The following LSM4 variants were observed in gnomAD, a reference collection of about 807,000 sequenced individuals.
LSM4 encodes the protein U6 snRNA-associated Sm-like protein LSm4.
LSM4 carries 15 observed loss-of-function variants against 22.3 expected under a neutral mutation model. That is an observed-to-expected ratio of 0.67 (90% confidence interval 0.45 to 1.03). The LOEUF (loss-of-function observed/expected upper bound fraction) is 1.03. Among genes scored for constraint, LSM4 ranks in the 50% least tolerant of loss-of-function variants. The probability of loss-of-function intolerance (pLI) is 0.00; values close to 1 mark genes in which losing one functional copy is unlikely to be tolerated. For missense variants in LSM4, 127 were observed against 198.0 expected (o/e 0.64, Z 2.15); for synonymous variants, 90 against 79.8 (o/e 1.13, Z -0.68).
intron 3 of LSM4, 117 bp from the exon 4 acceptor site, chr19:18,309,978 T>C: frequency 2.1e-6 from 2 of 954,022 alleles, no homozygotes; most frequent in Non-Finnish European, 3.2e-6. Flanking sequence ...CCCTGCAAGC[T>C]GCACAGTATC....
At chr19:18,313,746 G>A (rs1204363643) in intron 2 of LSM4, among the ~76,000 whole-genome samples, 1 of 152,160 alleles carries the variant, frequency 6.6e-6, no homozygotes, top group Non-Finnish European at 1.5e-5. Context: ...AAACTCCTGG[G>A]CTCAAGTGAT....
intron 3 of LSM4, among the ~76,000 whole-genome samples, chr19:18,311,192 G>C (rs1295735845): frequency 6.6e-6 from 1 of 152,116 alleles, no homozygotes; most frequent in Non-Finnish European, 1.5e-5. Flanking sequence ...AGGCTTCCTC[G>C]TGCAGGAACC....
chr19:18,322,982 C>A (rs1011816229), intron 1 of LSM4, 36 bp downstream of exon 1: 5 of 1,591,426 alleles, frequency 3.1e-6, no homozygotes, highest in Non-Finnish European at 4.3e-6. Flanking sequence ...GCTGTTCCCG[C>A]CTCCCGGTGA....
chr19:18,312,538 G>C, intron 3 of LSM4, 66 bp downstream of exon 3: 2 of 1,305,190 alleles, frequency 1.5e-6, no homozygotes, highest in East Asian at 2.3e-5. Flanking sequence ...GAGGCCCAGG[G>C]AGGGAGGGAG....
At chr19:18,310,847 C>T (rs548009760) in intron 3 of LSM4, among the ~76,000 whole-genome samples, 20 of 152,328 alleles carry the variant, frequency 1.3e-4, no homozygotes, top group South Asian at 2.1e-4. Flanking sequence ...CCCAGCCCGA[C>T]GACACTCCCT....
chr19:18,309,432 C>A (rs1970271615), intron 4 of LSM4: 2 of 534,042 alleles, frequency 3.7e-6, no homozygotes, highest in Non-Finnish European at 6.5e-6. Flanking sequence ...AGAGGGGAAA[C>A]TGAGGCTTGG....
rs779855209 is a variant in LSM4 at position 18,307,415 on chromosome 19, A to G, written c.*49T>C. The G allele has an allele frequency of 4.9e-6, 7 of 1,432,862 alleles. No individual in the cohort carries two copies. The highest frequency in any genetic ancestry group is 6.5e-6 in the Non-Finnish European group (7 of 1,080,496). The allele number at this position is 1,432,862 out of a possible 1,614,324, so 88.8% of individuals were successfully genotyped here. A position where few individuals can be genotyped will look rare whatever the true frequency, so the allele number is the denominator to read the frequency against. ...AGATCCGTCCGAGACTGTGGAGCGG[A>G]ATCGCCACCCTGGCAGGAGGGGGCG... On this transcript the variant is annotated 3_prime_UTR_variant, in exon 5 of 5. Transcript: ENST00000593829.
At chr19:18,316,536 C>T (rs1313907077) in intron 1 of LSM4, among the ~76,000 whole-genome samples, 1 of 151,896 alleles carries the variant, frequency 6.6e-6, no homozygotes, top group East Asian at 1.9e-4. Context: ...TTAATAAAGG[C>T]GGGGTTTCAC....
chr19:18,316,783 G>C (rs920165962), intron 1 of LSM4, among the ~76,000 whole-genome samples: 5 of 152,168 alleles, frequency 3.3e-5, no homozygotes, highest in Admixed American at 6.6e-5. Context: ...GCTAGGAGGA[G>C]ACAGAGCTGG....
In LSM4 at chr19:18,312,692, A is replaced by G; in HGVS notation, c.56T>C (p.Leu19Pro). The change falls in exon 3 of 5, where the codon CTG becomes CCG. Residue 19 changes from leucine to proline, a missense_variant. Transcript: ENST00000593829. ...TCCATTGTACGTCTCCCCATTTTTC[A>G]GCTCCACCAACTAGAAGAGAGACAG... ...TAQNHPMLVE[L>P]KNGETYNGHL... The G allele has an allele frequency of 6.2e-7, 1 of 1,613,168 alleles. No individual in the cohort carries two copies. The highest frequency in any genetic ancestry group is 8.5e-7 in the Non-Finnish European group (1 of 1,179,326).
chr19:18,307,377 T>G lies in LSM4; in HGVS notation c.*87A>C. 1 of 1,128,914 alleles carries G rather than the reference T, an allele frequency of 8.9e-7. No individual in the cohort carries two copies. The highest frequency in any genetic ancestry group is 1.6e-5 in the African/African-American group (1 of 61,972). The allele number at this position is 1,128,914 out of a possible 1,614,324, so 69.9% of individuals were successfully genotyped here. On this transcript the variant is annotated 3_prime_UTR_variant, in exon 5 of 5. Coordinates refer to ENST00000593829, the MANE Select transcript of LSM4 (RefSeq NM_012321.5). ...GGGGGTTCCCCCTGGCGCCTGCCTC[T>G]TCCTTTCTGAGCAGATCCGTCCGAG...
chr19:18,322,888 G>C (rs2232964), intron 1 of LSM4, 130 bp downstream of exon 1: 11 of 1,335,022 alleles, frequency 8.2e-6, no homozygotes, highest in Non-Finnish European at 1.1e-5. Flanking sequence ...CCTCGTGCCG[G>C]GGGGCGGGAC....
chr19:18,321,002 G>C (rs1015302638), intron 1 of LSM4, among the ~76,000 whole-genome samples: 5 of 152,118 alleles, frequency 3.3e-5, no homozygotes, highest in African/African-American at 1.2e-4. Context: ...AAGCTGTCCA[G>C]GACTGCCCAT....
At chr19:18,320,382 C>T (rs1410949379) in intron 1 of LSM4, among the ~76,000 whole-genome samples, 1 of 152,152 alleles carries the variant, frequency 6.6e-6, no homozygotes, top group Non-Finnish European at 1.5e-5. Flanking sequence ...TGATGCATGC[C>T]TGTGGTCCCA....
chr19:18,316,482 G>A (rs528361473), intron 1 of LSM4, among the ~76,000 whole-genome samples: 87 of 151,948 alleles, frequency 5.7e-4, no homozygotes, highest in African/African-American at 2.0e-3. Context: ...AAGCAGCTGG[G>A]GACAACAGGC....
chr19:18,310,653 G>T (rs371602963), intron 3 of LSM4, among the ~76,000 whole-genome samples: 1 of 152,166 alleles, frequency 6.6e-6, no homozygotes, highest in East Asian at 1.9e-4. Flanking sequence ...CCACCGCCCA[G>T]GTTCCTGGAC....
intron 4 of LSM4, among the ~76,000 whole-genome samples, chr19:18,308,252 C>T (rs750549195): frequency 1.3e-5 from 2 of 152,126 alleles, no homozygotes; most frequent in African/African-American, 2.4e-5. Flanking sequence ...ACGCAGGGCA[C>T]GCCTGTCCCC....
At chr19:18,308,203 A>G (rs1970254822) in intron 4 of LSM4, among the ~76,000 whole-genome samples, 1 of 152,132 alleles carries the variant, frequency 6.6e-6, no homozygotes, top group African/African-American at 2.4e-5. Flanking sequence ...GACTGAGTGG[A>G]CGCTACAGCG....
chr19:18,306,669 A>C lies in LSM4; in HGVS notation c.*795T>G, dbSNP rs1486952717. On this transcript the variant is annotated 3_prime_UTR_variant, in exon 5 of 5. Coordinates refer to ENST00000593829, the MANE Select transcript of LSM4 (RefSeq NM_012321.5). ...GCATTAACGTCTCCACAGAGGGGAGAGGGTTATAGGACAACCTGGTGTGGG... is the reference window on the plus strand; with the variant it reads ...GCATTAACGTCTCCACAGAGGGGAGCGGGTTATAGGACAACCTGGTGTGGG... 1.3e-5 allele frequency: 2 copies of C among 152,152 alleles called. No homozygotes were observed. The highest frequency in any genetic ancestry group is 2.9e-5 in the Non-Finnish European group (2 of 68,014). 9.4% of individuals were successfully genotyped at this position (152,152 alleles called of 1,614,324 possible). A position where few individuals can be genotyped will look rare whatever the true frequency, so the allele number is the denominator to read the frequency against.
Sources: gnomAD v4.1 joint callset for allele counts (sites outside exome capture counted in the v4.1 genomes callset) on GRCh38, gnomAD v4.1.1 for gene constraint, MANE v1.5 for transcripts, NCBI Gene and HGNC (gene_info 2026-07-23, HGNC 2026-07-21) for gene names.